The following TECTA variants were observed in gnomAD, a reference collection of about 807,000 sequenced individuals.
TECTA encodes the protein alpha-tectorin.
Under a neutral mutation model 216.8 loss-of-function variants are expected in TECTA, and 128 were observed. The observed-to-expected ratio is 0.59, with a 90% CI of 0.51 to 0.68. The LOEUF (loss-of-function observed/expected upper bound fraction) is 0.68. Among genes scored for constraint, TECTA ranks in the 30% least tolerant of loss-of-function variants. The pLI is 0.00. For synonymous variants in TECTA, 1,089 were observed against 1,117.1 expected, an observed-to-expected ratio of 0.97 and a Z score of 0.50; for missense variants, 2,551 against 2,786.2, an observed-to-expected ratio of 0.92 and a Z score of 1.90.
chr11:121,177,647 G>T (rs1414886556), intron 20 of TECTA, among the ~76,000 whole-genome samples: 1 of 152,230 alleles, frequency 6.6e-6, no homozygotes, highest in Non-Finnish European at 1.5e-5. Context: ...ACTTGAGGAG[G>T]CAGTCTGCCT....
At chr11:121,115,711 T>C (rs1946495528) in intron 6 of TECTA, among the ~76,000 whole-genome samples, 1 of 152,184 alleles carries the variant, frequency 6.6e-6, no homozygotes, top group Non-Finnish European at 1.5e-5. Context: ...TAGAGAACAG[T>C]GTCGTGGTCA....
At chr11:121,184,621 C>G (rs1346758296) in intron 20 of TECTA, among the ~76,000 whole-genome samples, 1 of 152,172 alleles carries the variant, frequency 6.6e-6, no homozygotes, top group Non-Finnish European at 1.5e-5. Context: ...CACTAGTTTG[C>G]AGATGAAACA....
intron 20 of TECTA, among the ~76,000 whole-genome samples, chr11:121,182,758 G>T (rs1021432326): frequency 1.3e-5 from 2 of 152,122 alleles, no homozygotes; most frequent in Non-Finnish European, 2.9e-5. Context: ...ACGTTGGTTA[G>T]GCCTGTCCTT....
At chr11:121,114,709 T>TTCACCCATCCGTCCACCTACC (rs1946482633) in intron 6 of TECTA, among the ~76,000 whole-genome samples, 1 of 44,998 alleles carries the variant, frequency 2.2e-5, no homozygotes, top group Non-Finnish European at 3.6e-5. Flanking sequence ...ACCCACCCAT[T>TTCACCCATCCGTCCACCTACC]CACCCACCCA....
intron 20 of TECTA, among the ~76,000 whole-genome samples, chr11:121,173,129 T>C (rs1947129559): frequency 6.6e-6 from 1 of 152,212 alleles, no homozygotes; most frequent in South Asian, 2.1e-4. Flanking sequence ...TTTTCTCCCA[T>C]TTTGCAGGTT....
chr11:121,148,063 G>C (rs4539330), intron 12 of TECTA, among the ~76,000 whole-genome samples: 41,477 of 151,976 alleles, frequency 0.27, 7,159 homozygotes, highest in African/African-American at 0.49. Flanking sequence ...CCTTCTACCA[G>C]GAACCCTTTC....
chr11:121,114,042 T>G (rs1946472508), intron 6 of TECTA, among the ~76,000 whole-genome samples: 1 of 152,198 alleles, frequency 6.6e-6, no homozygotes, highest in Admixed American at 6.5e-5. Context: ...TTTAACATTA[T>G]TTTTGTTGTT....
At chr11:121,163,547 T>TATAACTATGTATATGTTTAGGGCAC in intron 16 of TECTA, among the ~76,000 whole-genome samples, 1 of 152,148 alleles carries the variant, frequency 6.6e-6, no homozygotes, top group South Asian at 2.1e-4. Flanking sequence ...CATGTATACA[T>TATAACTATGTATATGTTTAGGGCAC]ATGTAACTAA....
chr11:121,146,417 A>G, intron 12 of TECTA: 1 of 436,314 alleles, frequency 2.3e-6, no homozygotes, highest in South Asian at 2.3e-5. Flanking sequence ...AAAGTTCACA[A>G]TAGAATGCTA....
chr11:121,142,192 C>T (rs550701137), intron 11 of TECTA, among the ~76,000 whole-genome samples: 1 of 152,298 alleles, frequency 6.6e-6, no homozygotes, highest in African/African-American at 2.4e-5. Flanking sequence ...TCTCCAAAAA[C>T]TCTAATATGT....
At chr11:121,111,869 G>A (rs752827166) in intron 4 of TECTA, among the ~76,000 whole-genome samples, 10 of 152,174 alleles carry the variant, frequency 6.6e-5, no homozygotes, top group Admixed American at 2.0e-4. Context: ...GCCATCAGCC[G>A]TGGCCAGCAC....
At chr11:121,183,705 G>A (rs796719723) in intron 20 of TECTA, among the ~76,000 whole-genome samples, 6 of 152,240 alleles carry the variant, frequency 3.9e-5, no homozygotes, top group South Asian at 2.1e-4. Context: ...CCAGCCTGGC[G>A]ACAGAGCAAG....
chr11:121,170,325 G>C (rs1019466016), intron 20 of TECTA, among the ~76,000 whole-genome samples: 1 of 152,116 alleles, frequency 6.6e-6, no homozygotes, highest in Admixed American at 6.6e-5. Context: ...GGAAGTGTAG[G>C]TATTCTTTTG....
chr11:121,149,598 A>G (rs922082761), intron 12 of TECTA, among the ~76,000 whole-genome samples: 8 of 152,208 alleles, frequency 5.3e-5, no homozygotes, highest in Non-Finnish European at 7.3e-5. Flanking sequence ...TAGAGAGAGT[A>G]AGTAACCTGT....
rs1199363630 is a variant in TECTA, at chr11:121,191,484, A to G, written c.*678A>G. The G allele has an allele frequency of 6.5e-6, 1 of 153,808 alleles. No homozygotes were observed. Among genetic ancestry groups the G allele is most frequent in the African/African-American group, 2.4e-5 (1 of 41,456 alleles). The allele number at this position is 153,808 out of a possible 1,614,324, so 9.5% of individuals were successfully genotyped here. ...CCTTAAATAAACTTTGTGTTCAAGT[A>G]TTCTCATTACTTGGTGGCTGGAATC... On this transcript the variant is annotated 3_prime_UTR_variant, in exon 24 of 24. Transcript: ENST00000392793.
In TECTA at chr11:121,113,403, C is replaced by T; in HGVS notation, c.625-150C>T. On this transcript the variant is annotated intron_variant, in intron 5 of 23. Transcript: ENST00000392793. This position sits in a 1 kb window ranked among gnomAD's most constrained non-coding sequence, Gnocchi z 4.2. ...CGGCTATGAAATGAACTAGGCAGTC[C>T]TTTCTCACCTAGAATGCTGGCCCCA... is the stretch of plus-strand genomic sequence containing the variant. 1 of 1,399,666 alleles carries T rather than the reference C, an allele frequency of 7.1e-7. No individual in the cohort carries two copies. The highest frequency in any genetic ancestry group is 1.0e-6 in the Non-Finnish European group (1 of 997,528). 86.7% of individuals were successfully genotyped at this position (1,399,666 alleles called of 1,614,324 possible). A position where few individuals can be genotyped will look rare whatever the true frequency, so the allele number is the denominator to read the frequency against.
intron 6 of TECTA, among the ~76,000 whole-genome samples, chr11:121,117,112 C>T (rs1224000341): frequency 1.3e-5 from 2 of 152,212 alleles, no homozygotes; most frequent in East Asian, 1.9e-4. Flanking sequence ...TTTATAAAAA[C>T]TTGAGATGTT....
chr11:121,127,726 C>T lies in TECTA; in HGVS notation c.1775-26C>T, dbSNP rs753292439. On this transcript the variant is annotated intron_variant, in intron 8 of 23. Coordinates refer to ENST00000392793, the MANE Select transcript of TECTA (RefSeq NM_005422.4). This position sits in a 1 kb window ranked among gnomAD's most constrained non-coding sequence, Gnocchi z 5.0. The stretch of plus-strand genomic sequence containing the variant: ...ACTCCGGGTCCATTCACCTTGTTAT[C>T]GGCTCTCTTCCTTTCCCCGCGTCAG... The T allele has an allele frequency of 1.2e-5, 19 of 1,612,784 alleles. No individual in the cohort carries two copies. The South Asian group carries it at 1.8e-4, about 15-fold the overall frequency.
chr11:121,142,827 TC>T (rs1397066855), intron 11 of TECTA, among the ~76,000 whole-genome samples: 3 of 152,172 alleles, frequency 2.0e-5, no homozygotes, highest in Non-Finnish European at 4.4e-5. Context: ...TGGCCGCTCT[TC>T]CTGTGCCACC....
Sources: gnomAD v4.1 joint callset for allele counts (sites outside exome capture counted in the v4.1 genomes callset) on GRCh38, gnomAD v4.1.1 for gene constraint, Gnocchi (gnomAD v3.1) non-coding constraint, MANE v1.5 for transcripts, NCBI Gene and HGNC (gene_info 2026-07-23, HGNC 2026-07-21) for gene names.